The following PAPOLG variants were observed in gnomAD, a reference collection of about 807,000 sequenced individuals.
The protein encoded by PAPOLG is PAP-gamma.
In PAPOLG, 40 loss-of-function variants were observed where a neutral mutation model predicts 99.0. That is an observed-to-expected ratio of 0.40 (90% CI 0.31 to 0.53). The LOEUF is 0.53. Ranked by LOEUF, PAPOLG falls within the 20% of genes least tolerant of loss-of-function variation. The pLI, the probability that PAPOLG is intolerant of heterozygous loss-of-function variation, is 0.41. For synonymous variants in PAPOLG, 310 were observed against 299.3 expected (o/e 1.04, Z -0.37); for missense variants, 675 against 884.1 (o/e 0.76, Z 3.00).
rs141165501 is a variant in PAPOLG at position 60,780,989 on chromosome 2, A to G, written c.906+210A>G. ...TGATCCAAATGTTATGTCATTAAAAATCGCCCATGTAAGATGAGTGGGTGT... is the reference window on the plus strand; with the variant it reads ...TGATCCAAATGTTATGTCATTAAAAGTCGCCCATGTAAGATGAGTGGGTGT... On this transcript the variant is annotated intron_variant, in intron 10 of 21. Coordinates refer to ENST00000238714, the MANE Select transcript of PAPOLG (RefSeq NM_022894.4). 2.7e-3 allele frequency among the ~76,000 whole-genome samples: 416 copies of G among 152,276 alleles called. 1 individual carries two copies. Among genetic ancestry groups the G allele is most frequent in the African/African-American group, 9.5e-3 (394 of 41,556 alleles).
chr2:60,771,755 A>G, intron 7 of PAPOLG, 125 bp downstream of exon 7: 2 of 1,022,022 alleles, frequency 2.0e-6, no homozygotes, highest in Non-Finnish European at 2.8e-6. Context: ...TTTTCCTTAT[A>G]CAGATAATGT....
At chr2:60,783,240 C>CT (rs1277907229) in intron 13 of PAPOLG, 31 bp downstream of exon 13, 2 of 1,390,896 alleles carry the variant, frequency 1.4e-6, no homozygotes, top group South Asian at 2.8e-5. Context: ...TTTCTACCTA[C>CT]TGTGTGGTGA....
Position 60,781,990 on chromosome 2 carries a change from G to T in PAPOLG, c.1012G>T (p.Glu338Ter). ...VSTSTRTVMV[E>*]EFKQGLAVTD... is the part of the protein sequence containing the mutation. ...CACATCAACTCGAACAGTAATGGTAGAAGAATTTAAACAAGGTAAACATGT... is the reference window on the plus strand; with the variant it reads ...CACATCAACTCGAACAGTAATGGTATAAGAATTTAAACAAGGTAAACATGT... Residue 338 changes from glutamate to a stop codon, truncating the protein, a stop_gained, in exon 11 of 22, where the codon GAA (glutamate) becomes TAA (stop). Coordinates refer to ENST00000238714, the MANE Select transcript of PAPOLG (RefSeq NM_022894.4). LOFTEE classifies it high-confidence loss of function. 1 of 1,613,934 alleles carries T rather than the reference G, an allele frequency of 6.2e-7. No individual in the cohort carries two copies. Among genetic ancestry groups the T allele is most frequent in the Non-Finnish European group, 8.5e-7 (1 of 1,179,892 alleles).
chr2:60,791,184 G>T (rs753978154), intron 15 of PAPOLG, among the ~76,000 whole-genome samples: 1 of 152,112 alleles, frequency 6.6e-6, no homozygotes, highest in Non-Finnish European at 1.5e-5. Flanking sequence ...GGAAAATACC[G>T]TTTTTTAAAT....
At chr2:60,770,374 G>A (rs1670815008) in intron 5 of PAPOLG, 84 bp from the exon 6 acceptor site, 4 of 1,163,568 alleles carry the variant, frequency 3.4e-6, no homozygotes, top group Non-Finnish European at 4.7e-6. Flanking sequence ...CAAATCGGGA[G>A]TAAAGATATT....
intron 8 of PAPOLG, among the ~76,000 whole-genome samples, chr2:60,778,088 C>T (rs574054363): frequency 1.3e-5 from 2 of 152,262 alleles, no homozygotes; most frequent in East Asian, 3.9e-4. Flanking sequence ...GTAAAAAACT[C>T]AGTATCTGTG....
At chr2:60,771,947 A>G (rs1349528053) in intron 7 of PAPOLG, among the ~76,000 whole-genome samples, 1 of 152,164 alleles carries the variant, frequency 6.6e-6, no homozygotes, top group South Asian at 2.1e-4. Flanking sequence ...TAAAAAATAA[A>G]AACTGAGAAA....
intron 5 of PAPOLG, among the ~76,000 whole-genome samples, chr2:60,769,923 C>T (rs779627441): frequency 7.3e-5 from 11 of 151,628 alleles, no homozygotes; most frequent in Non-Finnish European, 1.2e-4. Flanking sequence ...CTCCCTTGTC[C>T]CCCACCCCCC....
At chr2:60,796,799 C>T (rs1335726259) in intron 21 of PAPOLG, among the ~76,000 whole-genome samples, 2 of 151,920 alleles carry the variant, frequency 1.3e-5, no homozygotes, top group Admixed American at 6.6e-5. Context: ...TTCCTCTTTT[C>T]CTGTACATAT....
intron 15 of PAPOLG, 107 bp from the exon 16 acceptor site, chr2:60,791,654 G>A (rs574406236): frequency 1.3e-5 from 18 of 1,366,964 alleles, no homozygotes; most frequent in African/African-American, 4.4e-5. Flanking sequence ...GTGGGTGGCC[G>A]GTGGTGATAG....
In PAPOLG at chr2:60,770,441, G is replaced by T. The variant is rs761809075; in HGVS notation, c.439-17G>T. 19 of 1,584,744 alleles carry T rather than the reference G, an allele frequency of 1.2e-5. No homozygotes were observed. Among genetic ancestry groups the T allele is most frequent in the Admixed American group, 1.8e-5 (1 of 55,224 alleles). The stretch of plus-strand genomic sequence containing the variant: ...GGGATTACACCTATGTGTTATAATT[G>T]TTTTCCTTTTTTGTAGGCTGTAGAA... On this transcript the variant is annotated splice_polypyrimidine_tract_variant and intron_variant, in intron 5 of 21. Transcript: ENST00000238714.
chr2:60,794,624 C>G, intron 19 of PAPOLG, 86 bp from the exon 20 acceptor site: 1 of 1,117,576 alleles, frequency 8.9e-7, no homozygotes, highest in Non-Finnish European at 1.3e-6. Flanking sequence ...AATAGTGTAA[C>G]CAATAACTAG....
At chr2:60,769,202 TTGA>T (rs1244600451) in intron 5 of PAPOLG, among the ~76,000 whole-genome samples, 1 of 152,226 alleles carries the variant, frequency 6.6e-6, no homozygotes, top group African/African-American at 2.4e-5. Context: ...TTTTTGAGTA[TTGA>T]TGAGATATTT....
At chr2:60,763,643 A>ACTTGG (rs1670587461) in intron 3 of PAPOLG, among the ~76,000 whole-genome samples, 1 of 152,070 alleles carries the variant, frequency 6.6e-6, no homozygotes, top group Admixed American at 6.6e-5. Context: ...AGCTGGGGCT[A>ACTTGG]CAGGTGCACA....
intron 7 of PAPOLG, among the ~76,000 whole-genome samples, chr2:60,772,704 T>C (rs1287828900): frequency 6.6e-6 from 1 of 151,956 alleles, no homozygotes; most frequent in African/African-American, 2.4e-5. Flanking sequence ...GCTGAGATCA[T>C]GCCACCACAA....
At chr2:60,757,261 A>G (rs1670376419) in intron 1 of PAPOLG, among the ~76,000 whole-genome samples, 1 of 152,228 alleles carries the variant, frequency 6.6e-6, no homozygotes, top group Non-Finnish European at 1.5e-5. Flanking sequence ...GTATATACGT[A>G]TCTGTGTATT....
At chr2:60,795,722 T>C (rs930206180) in intron 21 of PAPOLG, among the ~76,000 whole-genome samples, 2 of 151,894 alleles carry the variant, frequency 1.3e-5, no homozygotes, top group African/African-American at 4.8e-5. Flanking sequence ...CATTAAATAG[T>C]AAAGTGCTTT....
At chr2:60,789,667 TG>T (rs1468259615) in intron 15 of PAPOLG, among the ~76,000 whole-genome samples, 4 of 152,282 alleles carry the variant, frequency 2.6e-5, no homozygotes, top group Non-Finnish European at 5.9e-5. Flanking sequence ...TTAATGTATC[TG>T]TTATAAATTT....
chr2:60,780,067 A>T (rs1573239366), intron 9 of PAPOLG, among the ~76,000 whole-genome samples: 2 of 152,344 alleles, frequency 1.3e-5, no homozygotes, highest in East Asian at 3.9e-4. Context: ...TAAAATGGAG[A>T]TGATAATCAC....
Sources: gnomAD v4.1 joint callset for allele counts (sites outside exome capture counted in the v4.1 genomes callset) on GRCh38, gnomAD v4.1.1 for gene constraint, MANE v1.5 for transcripts, NCBI Gene and HGNC (gene_info 2026-07-23, HGNC 2026-07-21) for gene names.